PINK1: variants seen among roughly 807,000 people sequenced by gnomAD.
PINK1 encodes the protein serine/threonine-protein kinase PINK1, mitochondrial.
PINK1 carries 58 observed loss-of-function variants against 56.0 expected under a neutral mutation model. That is an observed-to-expected ratio of 1.04 (90% CI 0.84 to 1.29). The LOEUF (loss-of-function observed/expected upper bound fraction) is 1.29, where lower values mean the gene tolerates loss of function less well. Ranked by LOEUF, PINK1 falls within the 50% of genes most tolerant of loss-of-function variation. The pLI is 0.00. For synonymous variants in PINK1, 354 were observed against 339.3 expected, an observed-to-expected ratio of 1.04 and a Z score of -0.48; for missense variants, 745 against 777.9, an observed-to-expected ratio of 0.96 and a Z score of 0.50.
Position 20,637,826 on chromosome 1 carries a change from T to G in PINK1, c.388-16T>G. Reference sequence around the variant, plus strand: ...CTAGGCTCCCTGGCTCACGGTGCATTCTTTTCTCATCACAGGCAATTTTTA... The same window carrying G: ...CTAGGCTCCCTGGCTCACGGTGCATGCTTTTCTCATCACAGGCAATTTTTA... On this transcript the variant is annotated splice_polypyrimidine_tract_variant and intron_variant, in intron 1 of 7. Transcript: ENST00000321556. 1 of 1,613,624 alleles carries G rather than the reference T, an allele frequency of 6.2e-7. No homozygotes were observed. The highest frequency in any genetic ancestry group is 8.5e-7 in the Non-Finnish European group (1 of 1,180,006).
rs2154533760 is a variant in PINK1 at position 20,641,878 on chromosome 1, G to T, written c.776+1886G>T. Among the ~76,000 whole-genome samples, 1 of 152,192 alleles carries T rather than the reference G, an allele frequency of 6.6e-6. No homozygotes were observed. The highest frequency in any genetic ancestry group is 2.4e-5 in the African/African-American group (1 of 41,514). On this transcript the variant is annotated intron_variant, in intron 3 of 7. Transcript: ENST00000321556. The surrounding 1 kb of genome is among the most constrained non-coding windows in gnomAD (Gnocchi z 4.0). ...TGGGCTGCCCTCCTCCCACATTTCA[G>T]GTCTCAGTTCAGACACCCGCAACCC...
chr1:20,650,326 A>G (rs754441022), intron 7 of PINK1, 108 bp from the exon 8 acceptor site: 9 of 1,428,160 alleles, frequency 6.3e-6, no homozygotes, highest in Non-Finnish European at 8.7e-6. Context: ...AGGGTAGAGG[A>G]AGAATTGGGT....
rs777903263 is a variant in PINK1 at position 20,650,642 on chromosome 1, C to T, written c.1697C>T (p.Thr566Met). Reference protein sequence around the residue: ...MLFLANLECETLCQAALLLCS... With the variant: ...MLFLANLECEMLCQAALLLCS... ...TTTCTGGCTAACCTGGAGTGTGAAA[C>T]GCTCTGCCAGGCAGCCCTCCTCCTC... The change falls in exon 8 of 8, where the codon ACG becomes ATG. Residue 566 changes from threonine (T) to methionine (M), a missense_variant. Thr to Met is a moderately conservative substitution (Grantham distance 81, BLOSUM62 -1). Transcript: ENST00000321556. 9.9e-6 allele frequency: 16 copies of T among 1,614,180 alleles called. No homozygotes were observed. Among genetic ancestry groups the T allele is most frequent in the Admixed American group, 3.3e-5 (2 of 60,024 alleles).
intron 7 of PINK1, chr1:20,649,887 TCTC>T (rs1442449210): frequency 5.5e-6 from 1 of 182,136 alleles, no homozygotes; most frequent in Non-Finnish European, 1.2e-5. Context: ...ATGGAAAACA[TCTC>T]CTGAGAGCAG....
In PINK1 at chr1:20,644,137, A is replaced by G. The variant is rs527788778; in HGVS notation, c.777-353A>G. Among the ~76,000 whole-genome samples the G allele has an allele frequency of 9.2e-5, 14 of 152,306 alleles. No individual in the cohort carries two copies. The East Asian group carries it at 2.7e-3, about 29-fold the overall frequency. On this transcript the variant is annotated intron_variant, in intron 3 of 7. Transcript: ENST00000321556. ...CAAAACTGTGGATAAGGTTGGGGCT[A>G]CTGCAACTCAGCCAAGGACTTACAG...
chr1:20,645,295 C>A (rs1419432850), intron 4 of PINK1, among the ~76,000 whole-genome samples: 2 of 152,038 alleles, frequency 1.3e-5, no homozygotes, highest in Non-Finnish European at 2.9e-5. Context: ...TTGAGACCAG[C>A]CTGGCCAACA....
chr1:20,640,709 G>A (rs2053107465), intron 3 of PINK1, among the ~76,000 whole-genome samples: 2 of 152,134 alleles, frequency 1.3e-5, no homozygotes, highest in African/African-American at 4.8e-5. Flanking sequence ...CAGGTGGTGA[G>A]GACTGACGCG....
rs2053214875 is a variant in PINK1 at position 20,648,436 on chromosome 1, G to C, written c.1124-69G>C. On this transcript the variant is annotated intron_variant, in intron 5 of 7. Coordinates refer to ENST00000321556, the MANE Select transcript of PINK1 (RefSeq NM_032409.3). ...CTATGTCTTGCTGGTGGCTTTAGTA[G>C]GGACATAGGAGGGCCTCTCAGAGGG... The C allele has an allele frequency of 2.5e-6, 4 of 1,604,190 alleles. No homozygotes were observed. The Admixed American group carries it at 6.8e-5, about 27-fold the overall frequency.
intron 1 of PINK1, among the ~76,000 whole-genome samples, chr1:20,635,357 C>A (rs6691247): frequency 0.39 from 58,361 of 151,178 alleles, 11,255 homozygotes; most frequent in Middle Eastern, 0.45. Flanking sequence ...AAAAATTACC[C>A]GGGCGCAGTG....
In PINK1 at chr1:20,637,902, G is replaced by T. The variant is rs2053073220; in HGVS notation, c.448G>T (p.Gly150Cys). ...PDPLDTRRLQ[G>C]FRLEEYLIGQ... is the part of the protein sequence containing the mutation. Reference sequence around the variant, plus strand: ...CCCGTTGGACACGAGACGCTTGCAGGGCTTTCGGCTGGAGGAGTATCTGAT... The same window carrying T: ...CCCGTTGGACACGAGACGCTTGCAGTGCTTTCGGCTGGAGGAGTATCTGAT... Residue 150 changes from glycine to cysteine, a missense_variant, in exon 2 of 8, where the codon GGC becomes TGC. Transcript: ENST00000321556. The T allele has an allele frequency of 6.2e-7, 1 of 1,614,186 alleles. No individual in the cohort carries two copies. Among genetic ancestry groups the T allele is most frequent in the Non-Finnish European group, 8.5e-7 (1 of 1,180,044 alleles).
At chr1:20,636,169 C>A (rs2053054404) in intron 1 of PINK1, among the ~76,000 whole-genome samples, 1 of 150,628 alleles carries the variant, frequency 6.6e-6, no homozygotes, top group African/African-American at 2.4e-5. Flanking sequence ...GTGCTAGTAG[C>A]AAGCTCTAAA....
chr1:20,639,111 G>A (rs556251673), intron 2 of PINK1: 65 of 153,768 alleles, frequency 4.2e-4, no homozygotes, highest in Non-Finnish European at 8.5e-4. Flanking sequence ...TCCATTCAAG[G>A]CCGCAGTGGG....
intron 4 of PINK1, 91 bp from the exon 5 acceptor site, chr1:20,645,467 GAC>G: frequency 1.4e-6 from 2 of 1,391,860 alleles, no homozygotes. Context: ...CCAGCTTGGC[GAC>G]AGAGTGAGAC....
At chr1:20,650,295 TGA>T (rs2053249752) in intron 7 of PINK1, 137 bp from the exon 8 acceptor site, 14 of 1,160,836 alleles carry the variant, frequency 1.2e-5, no homozygotes, top group Non-Finnish European at 1.6e-5. Flanking sequence ...GTCACCTGAG[TGA>T]AGGGCATCAG....
Position 20,651,045 on chromosome 1 carries a change from AGC to A in PINK1, c.*356_*357del, listed in dbSNP as rs886045849. On this transcript the variant is annotated 3_prime_UTR_variant, in exon 8 of 8. Transcript: ENST00000321556. ...CACGAGGAACTCGTTTGAAGGGGGC[AGC>A]GTAGCATGTCTGATTTGCCACCTGG... 5 of 363,368 alleles carry A rather than the reference AGC, an allele frequency of 1.4e-5. No homozygotes were observed. The East Asian group carries it at 3.3e-4, about 24-fold the overall frequency. The allele number at this position is 363,368 out of a possible 1,614,324, so 22.5% of individuals were successfully genotyped here. A position where few individuals can be genotyped will look rare whatever the true frequency, so the allele number is the denominator to read the frequency against.
intron 5 of PINK1, among the ~76,000 whole-genome samples, chr1:20,646,188 G>C (rs1039820549): frequency 2.0e-5 from 3 of 152,218 alleles, no homozygotes; most frequent in Non-Finnish European, 2.9e-5. Context: ...CCAGCTACTT[G>C]GGAGGCTGAG....
intron 3 of PINK1, among the ~76,000 whole-genome samples, chr1:20,640,661 C>T (rs1346703711): frequency 6.6e-6 from 1 of 152,202 alleles, no homozygotes; most frequent in East Asian, 1.9e-4. Context: ...GCTACGCTTT[C>T]AGCTCAGAAA....
In PINK1 at chr1:20,642,682, T is replaced by G. The variant is rs1570402690; in HGVS notation, c.777-1808T>G. ...GCAAACTCAAATTTTCTTTTATTTT[T>G]CTGAGACAGGGTCTTACTCTGTTGC... is the stretch of plus-strand genomic sequence containing the variant. On this transcript the variant is annotated intron_variant, in intron 3 of 7. Coordinates refer to ENST00000321556, the MANE Select transcript of PINK1 (RefSeq NM_032409.3). 3 of 152,352 alleles carry G rather than the reference T, an allele frequency of 2.0e-5. No homozygotes were observed. In the East Asian group the frequency reaches 5.8e-4, roughly 29 times the overall value. 9.4% of individuals were successfully genotyped at this position (152,352 alleles called of 1,614,324 possible).
chr1:20,645,759 G>C, intron 5 of PINK1, 36 bp downstream of exon 5: 2 of 1,613,636 alleles, frequency 1.2e-6, no homozygotes, highest in Non-Finnish European at 1.7e-6. Context: ...CTCTCCAGGG[G>C]CACTAGAGGG....
Sources: gnomAD v4.1 joint callset for allele counts (sites outside exome capture counted in the v4.1 genomes callset) on GRCh38, gnomAD v4.1.1 for gene constraint, Gnocchi (gnomAD v3.1) non-coding constraint, MANE v1.5 for transcripts, NCBI Gene and HGNC (gene_info 2026-07-23, HGNC 2026-07-21) for gene names.